Variants in WHR1 observed in about 807,000 individuals in gnomAD.
The protein encoded by WHR1 is winged helix repair factor 1.
the WHR1 span, chr6:31,972,219 A>G: frequency 6.2e-7 from 1 of 1,612,784 alleles, no homozygotes; most frequent in South Asian, 1.1e-5. This position sits in a 1 kb window ranked among gnomAD's most constrained non-coding sequence, Gnocchi z 6.3. Flanking sequence ...TGATGCTGGT[A>G]TGTGCGTCGC....
At chr6:31,972,082 G>C in the WHR1 span, 2 of 1,613,088 alleles carry the variant, frequency 1.2e-6, no homozygotes, top group Non-Finnish European at 1.7e-6. This position sits in a 1 kb window ranked among gnomAD's most constrained non-coding sequence, Gnocchi z 6.3. Flanking sequence ...GGAGGTGTGA[G>C]CTTCACGAAG....
the WHR1 span, among the ~76,000 whole-genome samples, chr6:31,974,193 T>C: frequency 1.3e-5 from 2 of 151,496 alleles, no homozygotes; most frequent in African/African-American, 4.9e-5. Context: ...GGTGGGAGGA[T>C]TGCTTGAGCT....
the WHR1 span, chr6:31,972,287 C>T: frequency 1.8e-3 from 2,825 of 1,613,142 alleles, 4 homozygotes; most frequent in Admixed American, 2.4e-3. The surrounding 1 kb of genome is among the most constrained non-coding windows in gnomAD (Gnocchi z 6.3). Flanking sequence ...CTCCTTTCGT[C>T]ATCACCTGGT....
At chr6:31,972,633 C>T in the WHR1 span, 5 of 1,608,976 alleles carry the variant, frequency 3.1e-6, no homozygotes, top group East Asian at 2.2e-5. This position sits in a 1 kb window ranked among gnomAD's most constrained non-coding sequence, Gnocchi z 6.3. Context: ...TCGGCGCGCG[C>T]GGCTGTCTCA....
chr6:31,976,304 G>C, the WHR1 span, among the ~76,000 whole-genome samples: 6 of 151,330 alleles, frequency 4.0e-5, no homozygotes, highest in Middle Eastern at 3.5e-3. Context: ...GCTGCCGGGC[G>C]GAGATGCTCC....
the WHR1 span, chr6:31,978,955 T>G: frequency 6.2e-7 from 1 of 1,612,418 alleles, no homozygotes; most frequent in Non-Finnish European, 8.5e-7. Flanking sequence ...GGCTTCGACT[T>G]GGATGCCCAT....
chr6:31,973,045 G>A, the WHR1 span: 5 of 669,550 alleles, frequency 7.5e-6, no homozygotes, highest in Non-Finnish European at 1.4e-5. Flanking sequence ...GACAGGCCTT[G>A]TACATCAGTG....
the WHR1 span, among the ~76,000 whole-genome samples, chr6:31,976,918 C>T: frequency 1.3e-5 from 2 of 152,226 alleles, no homozygotes; most frequent in Admixed American, 6.5e-5. Context: ...GCGGCGCGCG[C>T]CTGCAATCGC....
the WHR1 span, among the ~76,000 whole-genome samples, chr6:31,976,878 C>T: frequency 2.6e-5 from 4 of 152,362 alleles, no homozygotes; most frequent in Admixed American, 6.5e-5. Flanking sequence ...CCCGTCTCCA[C>T]TAACAAAATA....
chr6:31,977,579 G>A, the WHR1 span, among the ~76,000 whole-genome samples: 1 of 152,042 alleles, frequency 6.6e-6, no homozygotes, highest in East Asian at 1.9e-4. Flanking sequence ...TTGATCTCCG[G>A]ACCTCGTGAT....
the WHR1 span, among the ~76,000 whole-genome samples, chr6:31,976,111 C>T: frequency 4.1e-5 from 6 of 145,212 alleles, no homozygotes; most frequent in East Asian, 2.1e-4. Context: ...CCCTCCCGGA[C>T]GGGGCGGCTG....
chr6:31,974,769 AAAC>A, the WHR1 span, among the ~76,000 whole-genome samples: 1 of 152,184 alleles, frequency 6.6e-6, no homozygotes, highest in Non-Finnish European at 1.5e-5. Context: ...AAAAAAATGA[AAAC>A]AACAACAAAA....
chr6:31,971,256 G>A, the WHR1 span: 1 of 1,540,372 alleles, frequency 6.5e-7, no homozygotes, highest in Non-Finnish European at 8.8e-7. This position sits in a 1 kb window ranked among gnomAD's most constrained non-coding sequence, Gnocchi z 4.5. Flanking sequence ...CCCGGCTTTG[G>A]CTCTCCTAAT....
the WHR1 span, among the ~76,000 whole-genome samples, chr6:31,976,416 C>T: frequency 7.9e-5 from 12 of 151,556 alleles, no homozygotes; most frequent in Non-Finnish European, 1.2e-4. Context: ...GGGTCGCGGC[C>T]GGGCAGAGGC....
At chr6:31,972,168 G>GT in the WHR1 span, 3 of 1,612,074 alleles carry the variant, frequency 1.9e-6, no homozygotes, top group Non-Finnish European at 2.5e-6. The surrounding 1 kb of genome is among the most constrained non-coding windows in gnomAD (Gnocchi z 6.3). Flanking sequence ...CCCTTGGAGG[G>GT]AGCCAATCCG....
At chr6:31,971,237 G>C in the WHR1 span, 1 of 1,551,858 alleles carries the variant, frequency 6.4e-7, no homozygotes, top group Non-Finnish European at 8.7e-7. This position sits in a 1 kb window ranked among gnomAD's most constrained non-coding sequence, Gnocchi z 4.5. Context: ...TCTAAGGACT[G>C]ATTCTCACCC....
At chr6:31,979,832 G>C in the WHR1 span, 1 of 380,720 alleles carries the variant, frequency 2.6e-6, no homozygotes, top group Non-Finnish European at 4.8e-6. Flanking sequence ...AAAGCTTGAT[G>C]TTAATCATAC....
chr6:31,977,338 ATTTTTTTTTTTT>A, the WHR1 span, among the ~76,000 whole-genome samples: 9 of 127,432 alleles, frequency 7.1e-5, no homozygotes, highest in African/African-American at 2.7e-4. Flanking sequence ...CGCCCAGCTA[ATTTTTTTTTTTT>A]TTTTTTTTTT....
At chr6:31,975,918 C>A in the WHR1 span, among the ~76,000 whole-genome samples, 1 of 148,402 alleles carries the variant, frequency 6.7e-6, no homozygotes, top group African/African-American at 2.5e-5. Flanking sequence ...GCTGACCCCC[C>A]CACCTCCCTC....
Sources: allele counts gnomAD v4.1 joint callset (sites outside exome capture counted in the v4.1 genomes callset), GRCh38; gene constraint gnomAD v4.1.1; non-coding constraint Gnocchi (gnomAD v3.1); transcripts MANE v1.5; gene names NCBI Gene and HGNC (gene_info 2026-07-23, HGNC 2026-07-21).